Variants in LHFPL3 observed in about 807,000 individuals in gnomAD.
LHFPL3 encodes the protein LHFPL tetraspan subfamily member 3 protein.
LHFPL3 carries 5 observed loss-of-function variants against 19.3 expected under a neutral mutation model. The ratio of observed to expected loss-of-function variants is 0.26; its 90% CI spans 0.14 to 0.54. The LOEUF is 0.54. Ranked by LOEUF, LHFPL3 falls within the 20% of genes least tolerant of loss-of-function variation. The pLI, the probability that LHFPL3 is intolerant of heterozygous loss-of-function variation, is 0.94. For synonymous variants in LHFPL3, 133 were observed against 126.2 expected, an observed-to-expected ratio of 1.05 and a Z score of -0.36; for missense variants, 249 against 307.4, an observed-to-expected ratio of 0.81 and a Z score of 1.42.
chr7:104,783,270 G>T (rs924136253), intron 2 of LHFPL3, among the ~76,000 whole-genome samples: 1 of 152,226 alleles, frequency 6.6e-6, no homozygotes, highest in Non-Finnish European at 1.5e-5. Flanking sequence ...AATAGGGACT[G>T]CTCCTGTGTG....
intron 1 of LHFPL3, among the ~76,000 whole-genome samples, chr7:104,651,129 G>A (rs1792026398): frequency 6.6e-6 from 1 of 152,274 alleles, no homozygotes; most frequent in Non-Finnish European, 1.5e-5. Context: ...CCAAACCACT[G>A]AGGGAAGTTT....
intron 1 of LHFPL3, among the ~76,000 whole-genome samples, chr7:104,384,382 A>T (rs1790892340): frequency 6.6e-6 from 1 of 152,188 alleles, no homozygotes. Flanking sequence ...AACCTGGGTG[A>T]TAGAGGCAAG....
chr7:104,585,157 C>CCCGA (rs1790541269), intron 1 of LHFPL3, among the ~76,000 whole-genome samples: 7 of 152,020 alleles, frequency 4.6e-5, no homozygotes, highest in Admixed American at 6.6e-5. Context: ...CCTCCTCCTA[C>CCCGA]TGTCTGCCCT....
At chr7:104,862,283 G>A (rs1156898520) in intron 2 of LHFPL3, among the ~76,000 whole-genome samples, 1 of 152,108 alleles carries the variant, frequency 6.6e-6, no homozygotes, top group Non-Finnish European at 1.5e-5. Flanking sequence ...GCCCTGAATT[G>A]TAATGCAGAT....
chr7:104,591,770 G>C (rs776492777), intron 1 of LHFPL3, among the ~76,000 whole-genome samples: 14 of 152,134 alleles, frequency 9.2e-5, no homozygotes, highest in Non-Finnish European at 1.9e-4. Flanking sequence ...TGTAGATTTG[G>C]ACTTTTCACA....
chr7:104,576,966 T>A (rs770710076), intron 1 of LHFPL3, among the ~76,000 whole-genome samples: 6 of 152,198 alleles, frequency 3.9e-5, no homozygotes, highest in Non-Finnish European at 5.9e-5. Flanking sequence ...TTACCTTTCT[T>A]GGGCCTTGGG....
At chr7:104,728,036 G>A (rs907492290) in intron 1 of LHFPL3, among the ~76,000 whole-genome samples, 1 of 152,162 alleles carries the variant, frequency 6.6e-6, no homozygotes, top group African/African-American at 2.4e-5. Context: ...GAGCACACAG[G>A]TAGATAAGAG....
chr7:104,853,232 C>G (rs894719212), intron 2 of LHFPL3, among the ~76,000 whole-genome samples: 5 of 152,162 alleles, frequency 3.3e-5, no homozygotes, highest in Non-Finnish European at 7.3e-5. Flanking sequence ...GGGAATACCA[C>G]CAGTGAGAAG....
intron 1 of LHFPL3, among the ~76,000 whole-genome samples, chr7:104,439,653 A>T (rs1050483716): frequency 5.9e-5 from 9 of 152,120 alleles, no homozygotes; most frequent in Non-Finnish European, 1.2e-4. Context: ...TCATAATTTT[A>T]AAAAAATGTA....
intron 1 of LHFPL3, among the ~76,000 whole-genome samples, chr7:104,579,762 T>C (rs1247432204): frequency 2.6e-5 from 4 of 152,180 alleles, no homozygotes; most frequent in Non-Finnish European, 5.9e-5. Flanking sequence ...ACCCTGTCAA[T>C]CAATACAGTA....
At chr7:104,330,692 T>A (rs753995110) in intron 1 of LHFPL3, among the ~76,000 whole-genome samples, 2 of 152,222 alleles carry the variant, frequency 1.3e-5, no homozygotes, top group African/African-American at 4.8e-5. Context: ...CATTATCTCC[T>A]GAACGGGGAG....
chr7:104,368,885 A>G (rs1790552499), intron 1 of LHFPL3, among the ~76,000 whole-genome samples: 1 of 152,242 alleles, frequency 6.6e-6, no homozygotes, highest in Non-Finnish European at 1.5e-5. Flanking sequence ...GTGGTAGGAC[A>G]AAGTAATAAT....
At chr7:104,420,763 C>T (rs62485085) in intron 1 of LHFPL3, among the ~76,000 whole-genome samples, 30,914 of 151,688 alleles carry the variant, frequency 0.2, 3,574 homozygotes, top group Admixed American at 0.33. Context: ...GGGGTTTCAC[C>T]GTGTTAGCCA....
intron 2 of LHFPL3, among the ~76,000 whole-genome samples, chr7:104,767,552 T>A (rs1233083891): frequency 6.6e-6 from 1 of 152,242 alleles, no homozygotes; most frequent in East Asian, 1.9e-4. Context: ...TGTACACTTT[T>A]CTTCTTTTAT....
At chr7:104,513,152 A>G (rs746758959) in intron 1 of LHFPL3, among the ~76,000 whole-genome samples, 18 of 152,274 alleles carry the variant, frequency 1.2e-4, no homozygotes, top group Middle Eastern at 6.8e-3. Context: ...TTGTTTTCTT[A>G]CTCAGAAAAC....
rs150872725 is a variant in LHFPL3, at chr7:104,451,164, T to C, written c.445+121940T>C. Among the ~76,000 whole-genome samples the C allele has an allele frequency of 1.3e-3, 193 of 152,324 alleles. 1 individual carries two copies. The highest frequency in any genetic ancestry group is 1.7e-3 in the Non-Finnish European group (116 of 68,014). On this transcript the variant is annotated intron_variant, in intron 1 of 2. Coordinates refer to ENST00000424859, the MANE Select transcript of LHFPL3 (RefSeq NM_199000.3). ...GTAGATTTTTCTTCTCAAAGTGATA[T>C]AATAGGCATGCAATGGCTAATTCGT...
At chr7:104,364,365 G>A (rs1420335949) in intron 1 of LHFPL3, among the ~76,000 whole-genome samples, 1 of 152,150 alleles carries the variant, frequency 6.6e-6, no homozygotes, top group African/African-American at 2.4e-5. Context: ...AAGACAACTA[G>A]AGTAAATGTA....
In LHFPL3 at chr7:104,667,686, A is replaced by T. The variant is rs978035792; in HGVS notation, c.446-68989A>T. ...AACTAAAGTTAACATGCCATTATAC[A>T]TGCAATTTACAACTTAGAGGAGTAC... On this transcript the variant is annotated intron_variant, in intron 1 of 2. Coordinates refer to ENST00000424859, the MANE Select transcript of LHFPL3 (RefSeq NM_199000.3). The T allele has an allele frequency of 2.5e-6, 3 of 1,199,176 alleles. No individual in the cohort carries two copies. In the African/African-American group the frequency reaches 4.6e-5, roughly 18 times the overall value. The allele number at this position is 1,199,176 out of a possible 1,614,324, so 74.3% of individuals were successfully genotyped here.
chr7:104,739,099 C>G (rs1793883483), intron 2 of LHFPL3: 2 of 152,156 alleles, frequency 1.3e-5, no homozygotes, highest in Non-Finnish European at 2.9e-5. Context: ...ATCTCAGACT[C>G]TGAGAAGATG....
Sources: allele counts gnomAD v4.1 joint callset (sites outside exome capture counted in the v4.1 genomes callset), GRCh38; gene constraint gnomAD v4.1.1; transcripts MANE v1.5; gene names NCBI Gene and HGNC (gene_info 2026-07-23, HGNC 2026-07-21).